RYR3: variants seen among roughly 807,000 people sequenced by gnomAD.
The protein encoded by RYR3 is brain ryanodine receptor-calcium release channel.
Under a neutral mutation model 584.3 loss-of-function variants are expected in RYR3, and 207 were observed. The ratio of observed to expected loss-of-function variants is 0.35; its 90% CI spans 0.32 to 0.40. The LOEUF (loss-of-function observed/expected upper bound fraction) is 0.40, where lower values mean the gene tolerates loss of function less well. RYR3 is among the 10% of genes least tolerant of loss of function. The pLI is 1.00. For missense variants in RYR3, 5,616 were observed against 6,089.2 expected (o/e 0.92, Z 2.59); for synonymous variants, 2,416 against 2,248.5 (o/e 1.07, Z -2.11).
intron 82 of RYR3, 21 bp from the exon 83 acceptor site, chr15:33,826,229 TTC>T: frequency 6.2e-7 from 1 of 1,612,716 alleles, no homozygotes; most frequent in Non-Finnish European, 8.5e-7. Flanking sequence ...CTTTCTATTC[TTC>T]TGTTTTTCTC....
At chr15:33,402,071 G>T (rs1021054531) in intron 1 of RYR3, among the ~76,000 whole-genome samples, 1 of 152,156 alleles carries the variant, frequency 6.6e-6, no homozygotes, top group Admixed American at 6.5e-5. Flanking sequence ...AAAATCTTCT[G>T]CAAGAATGGT....
intron 38 of RYR3, among the ~76,000 whole-genome samples, chr15:33,679,125 G>C (rs1170370494): frequency 6.6e-6 from 1 of 152,032 alleles, no homozygotes; most frequent in Non-Finnish European, 1.5e-5. Context: ...ATGCTCTAGG[G>C]CACAGACCAC....
chr15:33,595,283 G>A (rs184855097), intron 16 of RYR3, among the ~76,000 whole-genome samples: 17 of 152,240 alleles, frequency 1.1e-4, no homozygotes, highest in African/African-American at 4.1e-4. Flanking sequence ...GAAACAGCAT[G>A]AAGTCAATTA....
chr15:33,597,404 C>G (rs544050306), intron 16 of RYR3, among the ~76,000 whole-genome samples: 140 of 152,212 alleles, frequency 9.2e-4, no homozygotes, highest in Middle Eastern at 6.8e-3. Flanking sequence ...ATTACGAGGT[C>G]AGGAGTTCGA....
At chr15:33,489,492 G>A (rs530546372) in intron 2 of RYR3, among the ~76,000 whole-genome samples, 1 of 152,152 alleles carries the variant, frequency 6.6e-6, no homozygotes, top group Non-Finnish European at 1.5e-5. Flanking sequence ...GTTTACTGAG[G>A]ATATTAGCCT....
At chr15:33,481,452 C>T (rs1236391403) in intron 2 of RYR3, among the ~76,000 whole-genome samples, 1 of 150,008 alleles carries the variant, frequency 6.7e-6, no homozygotes, top group Non-Finnish European at 1.5e-5. Context: ...CTTTTTAGCT[C>T]TACCTCTTAG....
chr15:33,853,169 G>T, intron 95 of RYR3, 82 bp downstream of exon 95: 1 of 1,155,934 alleles, frequency 8.7e-7, no homozygotes, highest in Non-Finnish European at 1.2e-6. Context: ...ATACAAACAT[G>T]AGTAAATGTG....
chr15:33,576,790 T>G (rs976022856), intron 12 of RYR3, among the ~76,000 whole-genome samples: 4 of 152,042 alleles, frequency 2.6e-5, no homozygotes, highest in African/African-American at 4.8e-5. Flanking sequence ...GAGAAAGAAA[T>G]AAAGGGTATT....
chr15:33,452,393 C>G (rs1391665683), intron 1 of RYR3, among the ~76,000 whole-genome samples: 1 of 151,962 alleles, frequency 6.6e-6, no homozygotes, highest in Admixed American at 6.6e-5. Flanking sequence ...AGAAAAGCAA[C>G]CAAAGAGAAA....
chr15:33,825,606 C>G lies in RYR3; in HGVS notation c.11076C>G (p.Val3692=). ...GTTTCTTTCTGTCTATTAAAAGTGTCCTTGATTTGAATGCATTTGAGAGGC... is the reference window on the plus strand; with the variant it reads ...GTTTCTTTCTGTCTATTAAAAGTGTGCTTGATTTGAATGCATTTGAGAGGC... ...SLSGLMQSCS[V]LDLNAFERQN... Residue 3692 remains valine, a synonymous_variant, in exon 82 of 104, where the codon GTC becomes GTG. Transcript: ENST00000634891. 6.2e-7 allele frequency: 1 copy of G among 1,610,190 alleles called. No individual in the cohort carries two copies. The highest frequency in any genetic ancestry group is 2.2e-5 in the East Asian group (1 of 44,844).
At chr15:33,802,008 A>C in intron 69 of RYR3, 47 bp downstream of exon 69, 18 of 1,096,878 alleles carry the variant, frequency 1.6e-5, no homozygotes, top group Non-Finnish European at 2.4e-5. Context: ...CCCTAACCTC[A>C]GCCATGACTT....
At chr15:33,579,458 CAAG>C (rs10589180) in intron 12 of RYR3, among the ~76,000 whole-genome samples, 71,854 of 151,506 alleles carry the variant, frequency 0.47, 17,598 homozygotes, top group Admixed American at 0.6. Context: ...TAATCAATGC[CAAG>C]AAGGTGTGAT....
intron 10 of RYR3, among the ~76,000 whole-genome samples, chr15:33,555,469 A>T (rs1021462495): frequency 2.0e-5 from 3 of 152,210 alleles, no homozygotes; most frequent in Admixed American, 1.3e-4. Flanking sequence ...TTTAAACTTT[A>T]AGTTGATGTG....
chr15:33,536,369 T>C (rs1414486153), intron 5 of RYR3, among the ~76,000 whole-genome samples: 2 of 152,230 alleles, frequency 1.3e-5, no homozygotes, highest in African/African-American at 2.4e-5. Context: ...AAATTACTTA[T>C]TCTGGTCTCC....
intron 38 of RYR3, among the ~76,000 whole-genome samples, chr15:33,693,637 A>G (rs985155039): frequency 6.6e-6 from 1 of 152,280 alleles, no homozygotes; most frequent in African/African-American, 2.4e-5. Context: ...GTCACTTTCA[A>G]CATTATCAAC....
In RYR3 at chr15:33,572,688, C is replaced by T. The variant is rs12912645; in HGVS notation, c.1268+5889C>T. On this transcript the variant is annotated intron_variant, in intron 12 of 103. Coordinates refer to ENST00000634891, the MANE Select transcript of RYR3 (RefSeq NM_001036.6). ...ACACACACACACACACACACACACA[C>T]ACTGGGCTGGGCACAATGGCTCACG... Among the ~76,000 whole-genome samples, 274 of 131,444 alleles carry T rather than the reference C, an allele frequency of 2.1e-3. 2 individuals are homozygous for T. Among genetic ancestry groups the T allele is most frequent in the East Asian group, 0.014 (65 of 4,554 alleles). 86.2% of individuals were successfully genotyped at this position (131,444 alleles called of 152,430 possible). A position where few individuals can be genotyped will look rare whatever the true frequency, so the allele number is the denominator to read the frequency against.
At chr15:33,686,769 A>T (rs2065039598) in intron 38 of RYR3, among the ~76,000 whole-genome samples, 1 of 152,254 alleles carries the variant, frequency 6.6e-6, no homozygotes, top group South Asian at 2.1e-4. Flanking sequence ...GGTTCAACAT[A>T]CAGAAATCAA....
At chr15:33,464,507 T>TACATATAGAC (rs1567296111) in intron 1 of RYR3, among the ~76,000 whole-genome samples, 1 of 121,060 alleles carries the variant, frequency 8.3e-6, no homozygotes. Flanking sequence ...TATATATACA[T>TACATATAGAC]ACACATACAC....
intron 65 of RYR3, among the ~76,000 whole-genome samples, chr15:33,783,904 C>T (rs558182706): frequency 7.9e-6 from 1 of 125,870 alleles, no homozygotes; most frequent in South Asian, 3.7e-4. Context: ...TTCTGCAAAT[C>T]ACAAGAGTTC....
Sources: allele counts gnomAD v4.1 joint callset (sites outside exome capture counted in the v4.1 genomes callset), GRCh38; gene constraint gnomAD v4.1.1; transcripts MANE v1.5; gene names NCBI Gene and HGNC (gene_info 2026-07-23, HGNC 2026-07-21).